ZNF365: variants seen among roughly 807,000 people sequenced by gnomAD.
ZNF365 encodes protein ZNF365.
In ZNF365, 22 loss-of-function variants were observed where a neutral mutation model predicts 35.0. The observed-to-expected ratio is 0.63, with a 90% CI of 0.45 to 0.90. The LOEUF (loss-of-function observed/expected upper bound fraction) is 0.90. Among genes scored for constraint, ZNF365 ranks in the 40% least tolerant of loss-of-function variants. The probability of loss-of-function intolerance (pLI) is 0.00; values close to 1 mark genes in which losing one functional copy is unlikely to be tolerated. For synonymous variants in ZNF365, 188 were observed against 196.2 expected (o/e 0.96, Z 0.35); for missense variants, 448 against 500.3 (o/e 0.90, Z 1.00).
intron 4 of ZNF365, among the ~76,000 whole-genome samples, chr10:62,460,943 G>A (rs966619380): frequency 1.3e-5 from 2 of 152,192 alleles, no homozygotes; most frequent in African/African-American, 4.8e-5. Context: ...GTGAGAGAAG[G>A]AGGGTCACGC....
intron 3 of ZNF365, among the ~76,000 whole-genome samples, chr10:62,417,905 C>A (rs1478136912): frequency 6.6e-6 from 1 of 151,778 alleles, no homozygotes; most frequent in Non-Finnish European, 1.5e-5. Flanking sequence ...CAAAAGGAAG[C>A]AATGAAGTGA....
exon 5 of ZNF365, chr10:62,480,067 G>T (rs1841198313): frequency 3.0e-6 from 4 of 1,353,778 alleles, no homozygotes; most frequent in Non-Finnish European, 3.9e-6. Flanking sequence ...CCAGGAGTGG[G>T]TTCAGACTCC....
chr10:62,380,524 T>G (rs945216557), intron 2 of ZNF365, among the ~76,000 whole-genome samples: 1 of 152,210 alleles, frequency 6.6e-6, no homozygotes, highest in African/African-American at 2.4e-5. Context: ...AAGTTATACT[T>G]GGATTTTCAA....
chr10:62,436,169 T>C (rs1410352188), intron 3 of ZNF365, among the ~76,000 whole-genome samples: 2 of 152,148 alleles, frequency 1.3e-5, no homozygotes, highest in African/African-American at 4.8e-5. Flanking sequence ...TCTAATGTAT[T>C]ATAAAAGATA....
intron 3 of ZNF365, among the ~76,000 whole-genome samples, chr10:62,443,006 T>C (rs1840526826): frequency 6.6e-6 from 1 of 152,180 alleles, no homozygotes; most frequent in South Asian, 2.1e-4. Context: ...AGGGATGCAC[T>C]CAACAGTGCT....
rs1839829967 is a variant in ZNF365 at position 62,401,572 on chromosome 10, T to C, written c.*1783T>C. On this transcript the variant is annotated 3_prime_UTR_variant, in exon 5 of 5. Transcript: ENST00000395254. ...GTGAATAGCACTGTTTAGGCTAACA[T>C]TGTAAAAATTGTAATGTTATAATTA... 1.0e-6 allele frequency: 1 copy of C among 984,720 alleles called. No individual in the cohort carries two copies. Among genetic ancestry groups the C allele is most frequent in the Non-Finnish European group, 1.2e-6 (1 of 829,152 alleles). The allele number at this position is 984,720 out of a possible 1,614,324, so 61.0% of individuals were successfully genotyped here. A position where few individuals can be genotyped will look rare whatever the true frequency, so the allele number is the denominator to read the frequency against.
intron 3 of ZNF365, among the ~76,000 whole-genome samples, chr10:62,449,659 C>T (rs995229609): frequency 6.6e-6 from 1 of 152,158 alleles, no homozygotes; most frequent in Non-Finnish European, 1.5e-5. Flanking sequence ...TATATAGGCT[C>T]TCATTCTGAG....
In ZNF365 at chr10:62,376,689, A is replaced by G. The variant is rs1484625625; in HGVS notation, c.496A>G (p.Asn166Asp). The G allele has an allele frequency of 1.2e-6, 2 of 1,614,202 alleles. No individual in the cohort carries two copies. Among genetic ancestry groups the G allele is most frequent in the Admixed American group, 3.3e-5 (2 of 60,030 alleles). ...CGAGGCACATGTCAGAGAAAAATTC[A>G]ATCGAATGGTTGAGGCTGTGGATAG... ...SFEAHVREKF[N>D]RMVEAVDRTI... The change falls in exon 2 of 5, where the codon AAT (asparagine) becomes GAT (aspartate). Residue 166 changes from asparagine (N) to aspartate (D), a missense_variant. Asn to Asp is a conservative substitution (Grantham distance 23). Around this residue, in one of 3 missense-constraint regions of ZNF365, gnomAD observed 362 missense variants for 375.7 expected, o/e 0.96. Coordinates refer to ENST00000395254, the MANE Select transcript of ZNF365 (RefSeq NM_014951.3).
At position 62,400,914 on chromosome 10, in the gene ZNF365, A is replaced by G; in HGVS notation, c.*1125A>G. 3.0e-6 allele frequency: 3 copies of G among 985,534 alleles called. No homozygotes were observed. Among genetic ancestry groups the G allele is most frequent in the Non-Finnish European group, 3.6e-6 (3 of 829,918 alleles). 61.0% of individuals were successfully genotyped at this position (985,534 alleles called of 1,614,324 possible). A position where few individuals can be genotyped will look rare whatever the true frequency, so the allele number is the denominator to read the frequency against. ...TTCTGAAATAAACAATGCATGTAGG[A>G]GCCAGAATCTGACACTGTCTTCCCC... On this transcript the variant is annotated 3_prime_UTR_variant, in exon 5 of 5. Transcript: ENST00000395254.
At position 62,401,994 on chromosome 10, in the gene ZNF365, A is replaced by G; in HGVS notation, c.*2205A>G. The stretch of plus-strand genomic sequence containing the variant: ...ATGTATGTTGTGCCTCCTTAGAGAC[A>G]TAAATTTAGTGTCAAAACATGGGAG... On this transcript the variant is annotated 3_prime_UTR_variant, in exon 5 of 5. Coordinates refer to ENST00000395254, the MANE Select transcript of ZNF365 (RefSeq NM_014951.3). 1 of 985,626 alleles carries G rather than the reference A, an allele frequency of 1.0e-6. No homozygotes were observed. Among genetic ancestry groups the G allele is most frequent in the Non-Finnish European group, 1.2e-6 (1 of 829,918 alleles). The allele number at this position is 985,626 out of a possible 1,614,324, so 61.1% of individuals were successfully genotyped here. A position where few individuals can be genotyped will look rare whatever the true frequency, so the allele number is the denominator to read the frequency against.
intron 3 of ZNF365, among the ~76,000 whole-genome samples, chr10:62,412,845 C>A (rs1469558914): frequency 6.6e-6 from 1 of 152,084 alleles, no homozygotes; most frequent in Non-Finnish European, 1.5e-5. Flanking sequence ...GTCATACTAC[C>A]AAAAGTAATT....
intron 3 of ZNF365, among the ~76,000 whole-genome samples, chr10:62,407,587 C>T (rs542601025): frequency 5.8e-5 from 8 of 138,484 alleles, no homozygotes; most frequent in African/African-American, 2.5e-4. Context: ...CTCCTCTCCT[C>T]TCCTCTCCTC....
At chr10:62,469,173 T>C (rs1840992753) in intron 4 of ZNF365, among the ~76,000 whole-genome samples, 1 of 152,232 alleles carries the variant, frequency 6.6e-6, no homozygotes, top group Admixed American at 6.5e-5. Context: ...CTGCCTATTA[T>C]AGACTGTTTT....
intron 3 of ZNF365, among the ~76,000 whole-genome samples, chr10:62,445,735 T>A (rs1288242558): frequency 1.3e-5 from 2 of 152,194 alleles, no homozygotes; most frequent in African/African-American, 2.4e-5. Flanking sequence ...AAGTTTTCGC[T>A]ACAAAAAAGA....
intron 3 of ZNF365, among the ~76,000 whole-genome samples, chr10:62,407,939 T>C (rs10761629): frequency 0.49 from 75,206 of 151,960 alleles, 21,079 homozygotes; most frequent in East Asian, 0.69. Flanking sequence ...TTTGGAAGAA[T>C]CCTTTAGATA....
intron 3 of ZNF365, among the ~76,000 whole-genome samples, chr10:62,409,744 G>T (rs754261463): frequency 6.6e-5 from 10 of 152,090 alleles, no homozygotes; most frequent in Admixed American, 1.3e-4. Flanking sequence ...GATGGATCTT[G>T]TCAGAATCAC....
chr10:62,480,200 T>C, exon 5 of ZNF365: 1 of 1,128,894 alleles, frequency 8.9e-7, no homozygotes, highest in Non-Finnish European at 1.1e-6. Flanking sequence ...TTCAGAACAT[T>C]TGTCCCTATG....
chr10:62,443,720 A>C (rs1840539490), intron 3 of ZNF365, among the ~76,000 whole-genome samples: 1 of 152,228 alleles, frequency 6.6e-6, no homozygotes, highest in African/African-American at 2.4e-5. Flanking sequence ...AATGGGCTCC[A>C]TAAAACTTCT....
At chr10:62,377,003 A>G (rs1839348924) in intron 2 of ZNF365, 67 bp downstream of exon 2, 1 of 1,528,792 alleles carries the variant, frequency 6.5e-7, no homozygotes, top group Non-Finnish European at 8.7e-7. Context: ...CCTTACAAGC[A>G]AATGCTAAGC....
Sources: allele counts gnomAD v4.1 joint callset (sites outside exome capture counted in the v4.1 genomes callset), GRCh38; gene constraint gnomAD v4.1.1; regional missense constraint gnomAD v4.1.1; transcripts MANE v1.5; gene names NCBI Gene and HGNC (gene_info 2026-07-23, HGNC 2026-07-21).